Variants in ANO3 observed in about 807,000 individuals in gnomAD.
The protein encoded by ANO3 is anoctamin-3.
ANO3 carries 99 observed loss-of-function variants against 144.8 expected under a neutral mutation model. The observed-to-expected ratio is 0.68, with a 90% CI of 0.58 to 0.81. The LOEUF (loss-of-function observed/expected upper bound fraction) is 0.81, where lower values mean the gene tolerates loss of function less well. Ranked by LOEUF, ANO3 falls within the 30% of genes least tolerant of loss-of-function variation. The pLI, the probability that ANO3 is intolerant of heterozygous loss-of-function variation, is 0.00. For synonymous variants in ANO3, 414 were observed against 392.6 expected (o/e 1.05, Z -0.64); for missense variants, 905 against 1,202.2 (o/e 0.75, Z 3.66).
chr11:26,271,178 G>A (rs1281126752), intron 1 of ANO3, among the ~76,000 whole-genome samples: 1 of 152,206 alleles, frequency 6.6e-6, no homozygotes, highest in African/African-American at 2.4e-5. Flanking sequence ...AATGTAGAAA[G>A]AGCAACAATT....
Position 26,635,267 on chromosome 11 carries a change from T to A in ANO3, c.2043+197T>A, listed in dbSNP as rs141134910. Reference sequence around the variant, plus strand: ...AAAGTTAAACCCCAAGATTCTCACCTCAGCTCTATTTTTTTAATCACATCA... The same window carrying A: ...AAAGTTAAACCCCAAGATTCTCACCACAGCTCTATTTTTTTAATCACATCA... On this transcript the variant is annotated intron_variant, in intron 20 of 26. Coordinates refer to ENST00000256737, the MANE Select transcript of ANO3 (RefSeq NM_031418.4). Among the ~76,000 whole-genome samples the A allele has an allele frequency of 3.2e-3, 489 of 152,244 alleles. 1 individual carries two copies. The highest frequency in any genetic ancestry group is 5.3e-3 in the Non-Finnish European group (363 of 68,014).
At chr11:26,221,195 AT>A (rs1485879056) in intron 1 of ANO3, among the ~76,000 whole-genome samples, 5 of 152,202 alleles carry the variant, frequency 3.3e-5, no homozygotes, top group African/African-American at 4.8e-5. Flanking sequence ...AGATTTTGTC[AT>A]GTGTAGCTGT....
chr11:26,567,789 T>C lies in ANO3; in HGVS notation c.1447+8010T>C, dbSNP rs199794924. 4.6e-5 allele frequency among the ~76,000 whole-genome samples: 7 copies of C among 152,054 alleles called. No individual in the cohort carries two copies. In the East Asian group the frequency reaches 1.2e-3, roughly 25 times the overall value. On this transcript the variant is annotated intron_variant, in intron 14 of 26. Coordinates refer to ENST00000256737, the MANE Select transcript of ANO3 (RefSeq NM_031418.4). ...AACCTAAGTGTTCATTAGTAACAGATTGGATAATAAACTGTGGTATATTCA... is the reference window on the plus strand; with the variant it reads ...AACCTAAGTGTTCATTAGTAACAGACTGGATAATAAACTGTGGTATATTCA...
chr11:26,456,091 C>G (rs1191556547), intron 3 of ANO3, among the ~76,000 whole-genome samples: 1 of 151,736 alleles, frequency 6.6e-6, no homozygotes, highest in Non-Finnish European at 1.5e-5. Context: ...GATTAAAGAC[C>G]TAAACATTAG....
At chr11:26,211,491 G>A (rs1000382085) in intron 1 of ANO3, among the ~76,000 whole-genome samples, 81 of 152,092 alleles carry the variant, frequency 5.3e-4, no homozygotes, top group African/African-American at 1.9e-3. Flanking sequence ...CTACAGACAT[G>A]CAAATCAAAC....
At chr11:26,611,000 T>C (rs1462248720) in intron 17 of ANO3, among the ~76,000 whole-genome samples, 2 of 152,190 alleles carry the variant, frequency 1.3e-5, no homozygotes, top group Non-Finnish European at 2.9e-5. Flanking sequence ...TTTTCATCTC[T>C]GATTTTATTT....
At chr11:26,372,257 TGAA>T (rs1289417442) in intron 1 of ANO3, among the ~76,000 whole-genome samples, 1 of 152,190 alleles carries the variant, frequency 6.6e-6, no homozygotes, top group Admixed American at 6.5e-5. Context: ...TGCTGCTATG[TGAA>T]GAAGGACAGG....
At chr11:26,316,113 C>T (rs1854619629) in intron 1 of ANO3, among the ~76,000 whole-genome samples, 1 of 152,142 alleles carries the variant, frequency 6.6e-6, no homozygotes, top group Non-Finnish European at 1.5e-5. Flanking sequence ...CTGCATAGTT[C>T]CCAGTTATTG....
intron 7 of ANO3, among the ~76,000 whole-genome samples, chr11:26,527,384 C>G (rs976662): frequency 0.042 from 6,322 of 152,114 alleles, 388 homozygotes; most frequent in African/African-American, 0.14. Context: ...GAACCTTACT[C>G]TAGCCCACCC....
chr11:26,329,018 A>T (rs1256159758), upstream of ANO3, among the ~76,000 whole-genome samples: 3 of 152,062 alleles, frequency 2.0e-5, no homozygotes, highest in African/African-American at 7.2e-5. Context: ...CCCTCACTAA[A>T]CATTATATAA....
At chr11:26,426,089 G>T (rs1459340613) in intron 1 of ANO3, among the ~76,000 whole-genome samples, 1 of 152,030 alleles carries the variant, frequency 6.6e-6, no homozygotes, top group East Asian at 1.9e-4. Context: ...ATAATACATA[G>T]TATATAAAAT....
chr11:26,297,190 T>A (rs1431704376), intron 1 of ANO3, among the ~76,000 whole-genome samples: 2 of 151,454 alleles, frequency 1.3e-5, no homozygotes. Context: ...ATTGCGTGTG[T>A]GTGTGTGTGT....
intron 16 of ANO3, 102 bp from the exon 17 acceptor site, chr11:26,599,448 A>G: frequency 1.7e-6 from 2 of 1,195,782 alleles, no homozygotes; most frequent in South Asian, 3.2e-5. Context: ...GGAAAGGTAA[A>G]TACCTTCAAT....
At chr11:26,324,831 A>T (rs916371988) in intron 1 of ANO3, among the ~76,000 whole-genome samples, 1 of 152,174 alleles carries the variant, frequency 6.6e-6, no homozygotes, top group Admixed American at 6.5e-5. Context: ...GGTACTCCTA[A>T]TCAAATATTT....
intron 14 of ANO3, among the ~76,000 whole-genome samples, chr11:26,568,253 G>C (rs554868998): frequency 1.3e-5 from 2 of 152,124 alleles, no homozygotes; most frequent in Admixed American, 1.3e-4. Flanking sequence ...AAATGGTGAA[G>C]AAGGGCTTAT....
intron 1 of ANO3, among the ~76,000 whole-genome samples, chr11:26,433,325 A>G (rs141288100): frequency 6.6e-6 from 1 of 152,302 alleles, no homozygotes; most frequent in African/African-American, 2.4e-5. Flanking sequence ...GTATACAATC[A>G]TGTCATCAGC....
At chr11:26,426,635 A>G (rs1857929291) in intron 1 of ANO3, among the ~76,000 whole-genome samples, 1 of 152,234 alleles carries the variant, frequency 6.6e-6, no homozygotes, top group Non-Finnish European at 1.5e-5. Context: ...AAAGTCTAGA[A>G]TAGCTGTCTC....
chr11:26,308,919 C>A (rs992284114), upstream of ANO3, among the ~76,000 whole-genome samples: 12 of 152,118 alleles, frequency 7.9e-5, no homozygotes, highest in African/African-American at 1.2e-4. Context: ...CAAGGTAGTT[C>A]TTATTATTAT....
At chr11:26,473,890 A>C (rs779984667) in intron 4 of ANO3, 1 of 969,640 alleles carries the variant, frequency 1.0e-6, no homozygotes, top group East Asian at 1.1e-4. Context: ...GAGATGAGTT[A>C]TCTTTAAAAA....
Sources: gnomAD v4.1 joint callset for allele counts (sites outside exome capture counted in the v4.1 genomes callset) on GRCh38, gnomAD v4.1.1 for gene constraint, MANE v1.5 for transcripts, NCBI Gene and HGNC (gene_info 2026-07-23, HGNC 2026-07-21) for gene names.